The following FGF12 variants were observed in gnomAD, a reference collection of about 807,000 sequenced individuals.
The protein encoded by FGF12 is fibroblast growth factor 12.
In FGF12, 14 loss-of-function variants were observed where a neutral mutation model predicts 23.6. That is an observed-to-expected ratio of 0.59 (90% CI 0.39 to 0.93). The LOEUF (loss-of-function observed/expected upper bound fraction) is 0.93, where lower values mean the gene tolerates loss of function less well. Among genes scored for constraint, FGF12 ranks in the 40% least tolerant of loss-of-function variants. The pLI is 0.00. For missense variants in FGF12, 175 were observed against 217.8 expected (o/e 0.80, Z 1.24); for synonymous variants, 62 against 77.3 (o/e 0.80, Z 1.04).
Position 192,173,700 on chromosome 3 carries a change from A to C in FGF12, c.229-3044T>G, listed in dbSNP as rs973835025. Among the ~76,000 whole-genome samples, 252 of 152,266 alleles carry C rather than the reference A, an allele frequency of 1.7e-3. 3 individuals are homozygous for C. The highest frequency in any genetic ancestry group is 5.0e-4 in the Non-Finnish European group (34 of 68,032). On this transcript the variant is annotated intron_variant, in intron 4 of 5. Transcript: ENST00000445105. Reference sequence around the variant, plus strand: ...TTAACCCTAGATGCTATGCTAAGGAACTCTGGAAAGTTCAAGCAATACATT... The same window carrying C: ...TTAACCCTAGATGCTATGCTAAGGACCTCTGGAAAGTTCAAGCAATACATT...
chr3:192,325,518 C>T (rs1475643289), intron 4 of FGF12, among the ~76,000 whole-genome samples: 1 of 152,052 alleles, frequency 6.6e-6, no homozygotes, highest in Non-Finnish European at 1.5e-5. Flanking sequence ...TTTCACTTTT[C>T]TGAGACGTCA....
chr3:192,633,982 C>T (rs1224799930), intron 2 of FGF12, among the ~76,000 whole-genome samples: 1 of 152,222 alleles, frequency 6.6e-6, no homozygotes, highest in Non-Finnish European at 1.5e-5. Flanking sequence ...GTCATATCTG[C>T]ATGCTCAAAA....
At chr3:192,655,540 T>A (rs1000547077) in intron 2 of FGF12, among the ~76,000 whole-genome samples, 1 of 152,200 alleles carries the variant, frequency 6.6e-6, no homozygotes, top group African/African-American at 2.4e-5. Flanking sequence ...TCTTGACTTC[T>A]ACATCAAGGG....
intron 2 of FGF12, among the ~76,000 whole-genome samples, chr3:192,393,743 C>A (rs983872436): frequency 7.9e-5 from 12 of 152,114 alleles, no homozygotes; most frequent in Non-Finnish European, 1.6e-4. Context: ...TTAATCATAT[C>A]CTTCCTTACC....
At chr3:192,407,097 G>A (rs999865007) in intron 2 of FGF12, among the ~76,000 whole-genome samples, 6 of 152,188 alleles carry the variant, frequency 3.9e-5, no homozygotes, top group Admixed American at 3.9e-4. Flanking sequence ...ACACTGGCCT[G>A]GCTTGACCTG....
At chr3:192,379,422 A>G (rs1425193738) in intron 2 of FGF12, among the ~76,000 whole-genome samples, 2 of 59,036 alleles carry the variant, frequency 3.4e-5, no homozygotes, top group Non-Finnish European at 5.7e-5. Flanking sequence ...AAACTGCTCT[A>G]AAAAAAAAAA....
intron 5 of FGF12, among the ~76,000 whole-genome samples, chr3:192,157,881 A>G (rs1212765337): frequency 1.3e-5 from 2 of 152,180 alleles, no homozygotes; most frequent in Non-Finnish European, 2.9e-5. Flanking sequence ...CCTGCACATT[A>G]TACATACAAA....
intron 2 of FGF12, among the ~76,000 whole-genome samples, chr3:192,473,483 C>CGTAA (rs1310234094): frequency 6.6e-6 from 1 of 152,186 alleles, no homozygotes; most frequent in Non-Finnish European, 1.5e-5. Context: ...TAGCTGGTTA[C>CGTAA]ACTCTATCTA....
chr3:192,652,258 C>T (rs1237060612), intron 2 of FGF12, among the ~76,000 whole-genome samples: 1 of 152,160 alleles, frequency 6.6e-6, no homozygotes, highest in East Asian at 1.9e-4. Context: ...CAGAGACAGC[C>T]TCTGGCATTT....
intron 4 of FGF12, among the ~76,000 whole-genome samples, chr3:192,257,267 T>C (rs1283519240): frequency 6.6e-6 from 1 of 152,156 alleles, no homozygotes; most frequent in Non-Finnish European, 1.5e-5. Flanking sequence ...CATTTAGCTA[T>C]AGAACCAGAA....
At chr3:192,474,348 T>G (rs1344651868) in intron 2 of FGF12, among the ~76,000 whole-genome samples, 1 of 152,202 alleles carries the variant, frequency 6.6e-6, no homozygotes, top group Non-Finnish European at 1.5e-5. Flanking sequence ...CAAGTAATTC[T>G]TCTAAGGCTT....
chr3:192,596,821 A>G (rs1713877219), intron 2 of FGF12, among the ~76,000 whole-genome samples: 1 of 152,248 alleles, frequency 6.6e-6, no homozygotes, highest in South Asian at 2.1e-4. Context: ...GATTTAAAAA[A>G]TAGACTCTAT....
At chr3:192,659,706 G>C (rs9824137) in intron 2 of FGF12, among the ~76,000 whole-genome samples, 85,571 of 151,860 alleles carry the variant, frequency 0.56, 24,544 homozygotes, top group East Asian at 0.67. Context: ...GTTCTAGATC[G>C]TTGAGGAATC....
chr3:192,143,956 G>A lies in FGF12; in HGVS notation c.*53C>T, dbSNP rs1187050331. The stretch of plus-strand genomic sequence containing the variant: ...TTTACTGGAAGGAAATGGGTAAATG[G>A]GAAGGAAGGGAAGGGGAAGGGATGA... On this transcript the variant is annotated 3_prime_UTR_variant, in exon 6 of 6. Coordinates refer to ENST00000445105, the MANE Select transcript of FGF12 (RefSeq NM_004113.6). 11 of 1,109,438 alleles carry A rather than the reference G, an allele frequency of 9.9e-6. No homozygotes were observed. Among genetic ancestry groups the A allele is most frequent in the Non-Finnish European group, 1.4e-6 (1 of 727,832 alleles). 68.7% of individuals were successfully genotyped at this position (1,109,438 alleles called of 1,614,324 possible).
intron 2 of FGF12, among the ~76,000 whole-genome samples, chr3:192,460,060 C>T (rs938778065): frequency 6.6e-6 from 1 of 152,016 alleles, no homozygotes; most frequent in Non-Finnish European, 1.5e-5. Context: ...GGGGATAATG[C>T]AAATACTTAC....
At chr3:192,263,718 T>C (rs1411938686) in intron 4 of FGF12, among the ~76,000 whole-genome samples, 1 of 152,014 alleles carries the variant, frequency 6.6e-6, no homozygotes, top group Non-Finnish European at 1.5e-5. Flanking sequence ...TGCTGGAATT[T>C]TCTGAAATAA....
At position 192,465,773 on chromosome 3, in the gene FGF12, A is replaced by G. The variant is rs189696340; in HGVS notation, c.14-105235T>C. On this transcript the variant is annotated intron_variant, in intron 2 of 5. Coordinates refer to ENST00000445105, the MANE Select transcript of FGF12 (RefSeq NM_004113.6). ...TGTCTCTAATGAGCTTCCTGGGAAG[A>G]AACATTGTATACATGTTACTGCGTT... Among the ~76,000 whole-genome samples, 208 of 152,320 alleles carry G rather than the reference A, an allele frequency of 1.4e-3. 1 individual carries two copies. Among genetic ancestry groups the G allele is most frequent in the African/African-American group, 4.8e-3 (201 of 41,584 alleles).
intron 4 of FGF12, among the ~76,000 whole-genome samples, chr3:192,196,658 A>C (rs1484958286): frequency 6.6e-6 from 1 of 152,176 alleles, no homozygotes. Context: ...CTAGGGTGTA[A>C]ATTTCTAACT....
chr3:192,497,115 C>T (rs1190296907), intron 2 of FGF12, among the ~76,000 whole-genome samples: 4 of 152,154 alleles, frequency 2.6e-5, no homozygotes, highest in Non-Finnish European at 5.9e-5. Context: ...AAATTTAACA[C>T]ATTCAAACAG....
Sources: gnomAD v4.1 joint callset for allele counts (sites outside exome capture counted in the v4.1 genomes callset) on GRCh38, gnomAD v4.1.1 for gene constraint, MANE v1.5 for transcripts, NCBI Gene and HGNC (gene_info 2026-07-23, HGNC 2026-07-21) for gene names.